Variants in FMN1 observed in about 807,000 individuals in gnomAD.
FMN1 encodes formin 1.
In FMN1, 110 loss-of-function variants were observed where a neutral mutation model predicts 132.4. The observed-to-expected ratio is 0.83, with a 90% CI of 0.71 to 0.97. The LOEUF is 0.97. Ranked by LOEUF, FMN1 falls within the 50% of genes least tolerant of loss-of-function variation. FMN1 has a pLI of 0.00. For missense variants in FMN1, 1,792 were observed against 1,705.3 expected (o/e 1.05, Z -0.90); for synonymous variants, 722 against 651.7 (o/e 1.11, Z -1.64).
intron 4 of FMN1, among the ~76,000 whole-genome samples, chr15:33,145,704 C>T (rs1236296979): frequency 2.6e-5 from 4 of 151,238 alleles, no homozygotes; most frequent in East Asian, 2.0e-4. Context: ...AGACTCTGGA[C>T]GGGCATGACT....
rs141556608 is a variant in FMN1, at chr15:32,926,239, T to C, written c.3161A>G (p.Lys1054Arg). 174 of 1,554,648 alleles carry C rather than the reference T, an allele frequency of 1.1e-4. No individual in the cohort carries two copies. In the African/African-American group the frequency reaches 2.2e-3, roughly 20 times the overall value. Residue 1054 changes from lysine (K) to arginine (R), a missense_variant, in exon 10 of 21, where the codon AAA becomes AGA. Physicochemically the swap from Lys to Arg is conservative, Grantham distance 26. Coordinates refer to ENST00000616417, the MANE Select transcript of FMN1 (RefSeq NM_001277313.2). ...VKKIIKLLDG[K>R]RSQTVGILIS... ...CAAGATTCCCACAGTTTGAGATCGT[T>C]TTCCATCCAACAATTTGATGATCTA...
intron 4 of FMN1, among the ~76,000 whole-genome samples, chr15:33,125,989 T>C (rs1464751889): frequency 1.3e-5 from 2 of 148,314 alleles, no homozygotes; most frequent in African/African-American, 5.2e-5. Context: ...GTTAGGAAAG[T>C]GGCTTCTAAA....
At chr15:32,988,141 T>C (rs569451517) in intron 7 of FMN1, among the ~76,000 whole-genome samples, 7 of 150,942 alleles carry the variant, frequency 4.6e-5, no homozygotes, top group Admixed American at 3.3e-4. Context: ...TGTTTGATTC[T>C]AGGTCACAGT....
At chr15:33,115,013 T>G (rs2039860636) in intron 4 of FMN1, among the ~76,000 whole-genome samples, 3 of 152,202 alleles carry the variant, frequency 2.0e-5, no homozygotes, top group African/African-American at 7.2e-5. Flanking sequence ...ATGATCCATG[T>G]ATTGATTTTA....
intron 15 of FMN1, among the ~76,000 whole-genome samples, chr15:32,891,936 C>T (rs2060041080): frequency 6.6e-6 from 1 of 152,074 alleles, no homozygotes. Flanking sequence ...ATTATTTTAT[C>T]AGTTATAGGC....
intron 2 of FMN1, among the ~76,000 whole-genome samples, chr15:33,183,100 C>T (rs1000289685): frequency 2.6e-5 from 4 of 152,208 alleles, no homozygotes; most frequent in East Asian, 1.9e-4. Flanking sequence ...CAGCAGCTCA[C>T]GTGCCTCTTT....
intron 10 of FMN1, among the ~76,000 whole-genome samples, chr15:32,919,990 A>C (rs1161000308): frequency 3.3e-5 from 5 of 152,232 alleles, no homozygotes; most frequent in Non-Finnish European, 4.4e-5. Flanking sequence ...CTGATCTCTC[A>C]AACTGACGTT....
At chr15:33,045,343 C>G (rs574066570) in intron 6 of FMN1, among the ~76,000 whole-genome samples, 74 of 152,294 alleles carry the variant, frequency 4.9e-4, no homozygotes, top group African/African-American at 1.7e-3. Context: ...GTAGCACCTC[C>G]CGAGGGCAGC....
chr15:32,865,852 A>T (rs201816331), intron 16 of FMN1, among the ~76,000 whole-genome samples: 33,825 of 146,402 alleles, frequency 0.23, 4,247 homozygotes, highest in East Asian at 0.34. Flanking sequence ...AAAAAAAAAA[A>T]ATAAAATAAA....
intron 17 of FMN1, among the ~76,000 whole-genome samples, chr15:32,833,532 GGT>G (rs199976774): frequency 0.024 from 3,658 of 152,202 alleles, 44 homozygotes; most frequent in African/African-American, 0.043. Context: ...AACATCCCAG[GGT>G]GAGTGAGTCA....
chr15:32,988,060 T>TG, intron 7 of FMN1, among the ~76,000 whole-genome samples: 2 of 150,624 alleles, frequency 1.3e-5, no homozygotes, highest in Middle Eastern at 6.8e-3. Flanking sequence ...TTTTTTTTTT[T>TG]TTTTTTTTTT....
At chr15:32,898,662 A>C (rs577583107) in intron 15 of FMN1, among the ~76,000 whole-genome samples, 172 bp downstream of exon 15, 3 of 152,198 alleles carry the variant, frequency 2.0e-5, no homozygotes, top group Non-Finnish European at 4.4e-5. Context: ...GCTTCTCTTC[A>C]TAAGTCAACT....
chr15:33,165,452 G>A (rs187389160), intron 3 of FMN1, among the ~76,000 whole-genome samples: 19 of 152,222 alleles, frequency 1.2e-4, no homozygotes, highest in African/African-American at 3.6e-4. Context: ...GTGCAGTGGC[G>A]CGATCTCGGC....
At chr15:33,157,978 C>G (rs1014479388) in intron 3 of FMN1, among the ~76,000 whole-genome samples, 1 of 136,884 alleles carries the variant, frequency 7.3e-6, no homozygotes, top group African/African-American at 2.9e-5. Context: ...AGTGACAGAG[C>G]AAGACCCTGT....
intron 20 of FMN1, 145 bp from the exon 21 acceptor site, chr15:32,774,499 A>G: frequency 1.6e-6 from 1 of 640,580 alleles, no homozygotes; most frequent in African/African-American, 1.8e-5. Flanking sequence ...TGCTTTCCCT[A>G]AGCTCTTAGT....
chr15:32,975,221 T>C (rs180875678), intron 7 of FMN1, among the ~76,000 whole-genome samples: 3 of 152,350 alleles, frequency 2.0e-5, no homozygotes, highest in South Asian at 4.1e-4. Context: ...TCTAGGTTCA[T>C]GTTGCATTAT....
intron 6 of FMN1, among the ~76,000 whole-genome samples, chr15:33,040,839 T>C (rs2036401059): frequency 6.6e-6 from 1 of 152,222 alleles, no homozygotes; most frequent in African/African-American, 2.4e-5. Context: ...CTTCAGAGAT[T>C]AGCACAGAGG....
At chr15:33,113,861 TGAAACCCTGACTG>T (rs2039809295) in intron 4 of FMN1, among the ~76,000 whole-genome samples, 3 of 152,186 alleles carry the variant, frequency 2.0e-5, no homozygotes, top group Admixed American at 2.0e-4. Flanking sequence ...TCTTTAACAA[TGAAACCCTGACTG>T]GAAACTGCTT....
rs547677993 is a variant in FMN1, at chr15:32,857,170, C to T, written c.3836-63G>A. On this transcript the variant is annotated intron_variant, in intron 16 of 20. Transcript: ENST00000616417. The stretch of plus-strand genomic sequence containing the variant: ...GATTTGCTGAGCTCCTGCTATGGGC[C>T]AGGTACTGTGCTATGCACTTGGCTA... The T allele has an allele frequency of 1.5e-4, 186 of 1,259,744 alleles. 1 individual carries two copies. In the South Asian group the frequency reaches 2.1e-3, roughly 14 times the overall value. The allele number at this position is 1,259,744 out of a possible 1,614,324, so 78.0% of individuals were successfully genotyped here.
Sources: gnomAD v4.1 joint callset for allele counts (sites outside exome capture counted in the v4.1 genomes callset) on GRCh38, gnomAD v4.1.1 for gene constraint, MANE v1.5 for transcripts, NCBI Gene and HGNC (gene_info 2026-07-23, HGNC 2026-07-21) for gene names.